DNAH17: variants seen among roughly 807,000 people sequenced by gnomAD.
DNAH17 encodes the protein axonemal beta dynein heavy chain 17.
DNAH17 carries 376 observed loss-of-function variants against 485.6 expected under a neutral mutation model. The observed-to-expected ratio is 0.77, with a 90% CI of 0.71 to 0.84. The LOEUF is 0.84. Ranked by LOEUF, DNAH17 falls within the 40% of genes least tolerant of loss-of-function variation. DNAH17 has a pLI of 0.00. For missense variants in DNAH17, 6,370 were observed against 5,839.3 expected (o/e 1.09, Z -2.96); for synonymous variants, 3,031 against 2,405.9 (o/e 1.26, Z -7.60).
At chr17:78,494,359 C>T (rs1177803669) in intron 40 of DNAH17, among the ~76,000 whole-genome samples, 186 bp from the exon 41 acceptor site, 1 of 133,986 alleles carries the variant, frequency 7.5e-6, no homozygotes, top group Admixed American at 7.5e-5. Context: ...CGACCTCATG[C>T]AGGGGGTCGG....
At chr17:78,566,178 G>T (rs2092262975) in intron 11 of DNAH17, among the ~76,000 whole-genome samples, 1 of 151,976 alleles carries the variant, frequency 6.6e-6, no homozygotes, top group African/African-American at 2.4e-5. Flanking sequence ...AAGCCACCCG[G>T]TCTACAGCAG....
At chr17:78,566,039 G>T (rs940772388) in intron 11 of DNAH17, among the ~76,000 whole-genome samples, 1 of 151,960 alleles carries the variant, frequency 6.6e-6, no homozygotes, top group Admixed American at 6.6e-5. Flanking sequence ...GACCTCCCTT[G>T]CCCCTTCTGC....
intron 4 of DNAH17, 36 bp from the exon 5 acceptor site, chr17:78,571,414 C>A (rs1275094389): frequency 6.4e-7 from 1 of 1,566,822 alleles, no homozygotes; most frequent in Admixed American, 1.7e-5. Flanking sequence ...TTTCATTGAC[C>A]TGGAAGACCC....
chr17:78,565,538 AC>A (rs527814785), intron 11 of DNAH17, among the ~76,000 whole-genome samples: 181 of 152,306 alleles, frequency 1.2e-3, no homozygotes, highest in African/African-American at 3.9e-3. Flanking sequence ...GCCCAGGCCA[AC>A]CCAATTGCCT....
At chr17:78,570,871 A>AAG (rs1555697977) in intron 6 of DNAH17, 77 bp downstream of exon 6, 1 of 778,242 alleles carries the variant, frequency 1.3e-6, no homozygotes, top group African/African-American at 2.2e-5. Flanking sequence ...AAAAAAAAAA[A>AAG]AAAAAAAGAA....
At chr17:78,519,699 A>G (rs1158259444) in intron 25 of DNAH17, among the ~76,000 whole-genome samples, 1 of 152,214 alleles carries the variant, frequency 6.6e-6, no homozygotes, top group African/African-American at 2.4e-5. Flanking sequence ...GAAATAAACC[A>G]ATTCCTCAAA....
chr17:78,514,559 G>C (rs2090728366), intron 26 of DNAH17, among the ~76,000 whole-genome samples: 1 of 151,038 alleles, frequency 6.6e-6, no homozygotes, highest in Non-Finnish European at 1.5e-5. Flanking sequence ...AGATGGTGAA[G>C]TTGAGATGGT....
rs1327070736 is a variant in DNAH17, at chr17:78,560,788, A to G, written c.1983T>C (p.Ile661=). 1 of 1,552,122 alleles carries G rather than the reference A, an allele frequency of 6.4e-7. No individual in the cohort carries two copies. Among genetic ancestry groups the G allele is most frequent in the Non-Finnish European group, 8.7e-7 (1 of 1,147,404 alleles). ...DCHFNLGQPL[I]LRDAASNLIH... Reference sequence around the variant, plus strand: ...TGAGGTTGCTAGCGGCGTCCCGCAGAATCAGCGGCTGCCCCAGGTTAAAGT... The same window carrying G: ...TGAGGTTGCTAGCGGCGTCCCGCAGGATCAGCGGCTGCCCCAGGTTAAAGT... Residue 661 remains isoleucine (I), a synonymous_variant, in exon 13 of 81, where the codon ATT becomes ATC. Coordinates refer to ENST00000389840, the MANE Select transcript of DNAH17 (RefSeq NM_173628.4).
At chr17:78,433,927 A>AGGAGGGAGGGAAGGAGGGAGGGAC (rs2086770256) in intron 75 of DNAH17, 102 bp downstream of exon 75, 14 of 791,174 alleles carry the variant, frequency 1.8e-5, no homozygotes, top group East Asian at 1.2e-4. Context: ...GAGGGAAGGA[A>AGGAGGGAGGGAAGGAGGGAGGGAC]GGAGGGAGGG....
chr17:78,495,545 C>T (rs2090039791), intron 38 of DNAH17, among the ~76,000 whole-genome samples: 1 of 151,604 alleles, frequency 6.6e-6, no homozygotes, highest in South Asian at 2.1e-4. Flanking sequence ...TCAAGCGATT[C>T]TCCTGCCTCA....
chr17:78,468,597 G>A lies in DNAH17; in HGVS notation c.8778+20C>T. 2 of 1,605,838 alleles carry A rather than the reference G, an allele frequency of 1.2e-6. No homozygotes were observed. Among genetic ancestry groups the A allele is most frequent in the South Asian group, 1.1e-5 (1 of 89,972 alleles). On this transcript the variant is annotated intron_variant, in intron 55 of 80. Transcript: ENST00000389840. ...CACCAAGCTGGGCTCTTGAGGCCCT[G>A]CCGAAGACGGGAGCCCCACCTTGAG...
intron 37 of DNAH17, among the ~76,000 whole-genome samples, chr17:78,498,650 CCCT>C (rs1301439906): frequency 3.3e-5 from 5 of 152,180 alleles, no homozygotes; most frequent in African/African-American, 4.8e-5. Context: ...CTCCCTCTCC[CCCT>C]CCTTTCTTTC....
At chr17:78,431,841 CGT>C (rs1186983947) in intron 75 of DNAH17, among the ~76,000 whole-genome samples, 2 of 151,838 alleles carry the variant, frequency 1.3e-5, no homozygotes, top group Non-Finnish European at 1.5e-5. Flanking sequence ...AGCTGCCCAG[CGT>C]GTGTCAATGG....
chr17:78,452,998 G>A (rs111329453), intron 65 of DNAH17, among the ~76,000 whole-genome samples: 2 of 152,184 alleles, frequency 1.3e-5, no homozygotes, highest in African/African-American at 2.4e-5. Flanking sequence ...GTATTTTAAT[G>A]TGGTTAATTT....
intron 20 of DNAH17, 36 bp downstream of exon 20, chr17:78,532,446 G>A (rs1006051988): frequency 1.3e-5 from 21 of 1,577,010 alleles, no homozygotes; most frequent in East Asian, 2.2e-5. Context: ...GAAGACTCTG[G>A]AGACAAGGAG....
intron 17 of DNAH17, 119 bp from the exon 18 acceptor site, chr17:78,539,999 G>T (rs977450781): frequency 9.7e-7 from 1 of 1,033,976 alleles, no homozygotes; most frequent in Non-Finnish European, 1.3e-6. Context: ...ACACGGGGCT[G>T]CTTTGAGCAT....
intron 16 of DNAH17, among the ~76,000 whole-genome samples, chr17:78,548,281 T>C (rs58962153): frequency 0.32 from 44,784 of 141,954 alleles, 7,134 homozygotes; most frequent in Admixed American, 0.36. Context: ...CTCGGCTCAC[T>C]GCAAGCTCCG....
At position 78,559,405 on chromosome 17, in the gene DNAH17, G is replaced by C. The variant is rs1037994313; in HGVS notation, c.2032-1151C>G. On this transcript the variant is annotated intron_variant, in intron 13 of 80. Transcript: ENST00000389840. ...GGCAATTCTACCTGTCTACTCACCT[G>C]ACCCTAAAACATTGGGACTGACTCC... 2.6e-5 allele frequency among the ~76,000 whole-genome samples: 4 copies of C among 152,236 alleles called. No individual in the cohort carries two copies. In the East Asian group the frequency reaches 7.7e-4, roughly 29 times the overall value.
At chr17:78,445,422 T>C (rs541387632) in intron 70 of DNAH17, 136 bp downstream of exon 70, 1 of 1,254,976 alleles carries the variant, frequency 8.0e-7, no homozygotes, top group African/African-American at 1.5e-5. Flanking sequence ...CATCCCTATG[T>C]GCGGGGCCTC....
Sources: gnomAD v4.1 joint callset for allele counts (sites outside exome capture counted in the v4.1 genomes callset) on GRCh38, gnomAD v4.1.1 for gene constraint, MANE v1.5 for transcripts, NCBI Gene and HGNC (gene_info 2026-07-23, HGNC 2026-07-21) for gene names.